Variants in PIK3C2G observed in about 807,000 individuals in gnomAD.
The protein encoded by PIK3C2G is phosphatidylinositol 3-kinase C2 domain-containing subunit gamma.
A neutral mutation model predicts 181.1 loss-of-function variants in PIK3C2G; 168 were observed. That is an observed-to-expected ratio of 0.93 (90% CI 0.82 to 1.05). The LOEUF (loss-of-function observed/expected upper bound fraction) is 1.05, where lower values mean the gene tolerates loss of function less well. Ranked by LOEUF, PIK3C2G falls within the 50% of genes least tolerant of loss-of-function variation. PIK3C2G has a pLI of 0.00. For missense variants in PIK3C2G, 1,869 were observed against 1,732.8 expected, an observed-to-expected ratio of 1.08 and a Z score of -1.40; for synonymous variants, 573 against 592.2, an observed-to-expected ratio of 0.97 and a Z score of 0.47.
At chr12:18,681,198 GATAGTACA>G in the PIK3C2G span, among the ~76,000 whole-genome samples, 1,610 of 152,138 alleles carry the variant, frequency 0.011, 25 homozygotes, top group African/African-American at 0.037. Context: ...AAGTCTGGCT[GATAGTACA>G]AAGTTGGTTC....
intron 18 of PIK3C2G, among the ~76,000 whole-genome samples, chr12:18,465,425 G>C (rs548926297): frequency 1.3e-5 from 2 of 151,738 alleles, no homozygotes; most frequent in South Asian, 4.1e-4. Context: ...ATTTCTTCTT[G>C]CATTTTAGTC....
chr12:18,534,280 T>G (rs936260628), intron 24 of PIK3C2G, among the ~76,000 whole-genome samples: 2 of 152,074 alleles, frequency 1.3e-5, no homozygotes, highest in Non-Finnish European at 2.9e-5. Flanking sequence ...AGTGAATTTA[T>G]TTGTCTGCTT....
intron 18 of PIK3C2G, among the ~76,000 whole-genome samples, chr12:18,451,762 G>C (rs775878360): frequency 5.3e-5 from 8 of 152,168 alleles, no homozygotes; most frequent in Non-Finnish European, 1.0e-4. Flanking sequence ...CTAGTTTATT[G>C]AGAGTTTTTA....
intron 14 of PIK3C2G, among the ~76,000 whole-genome samples, chr12:18,388,763 G>A (rs1194868046): frequency 1.3e-5 from 2 of 152,162 alleles, no homozygotes; most frequent in East Asian, 3.8e-4. Flanking sequence ...TAGAAATCAT[G>A]GTGGCCAACT....
intron 11 of PIK3C2G, among the ~76,000 whole-genome samples, chr12:18,350,711 T>C (rs1313916575): frequency 1.3e-5 from 2 of 152,160 alleles, no homozygotes; most frequent in Non-Finnish European, 2.9e-5. Context: ...CTGATGCATA[T>C]ACCAACCAAA....
chr12:18,536,775 G>T (rs906805272), intron 24 of PIK3C2G, among the ~76,000 whole-genome samples: 2 of 152,004 alleles, frequency 1.3e-5, no homozygotes, highest in Admixed American at 1.3e-4. Flanking sequence ...ATAATTCATA[G>T]AATATAGGTT....
chr12:18,434,768 G>T (rs1380381106), intron 18 of PIK3C2G, among the ~76,000 whole-genome samples: 1 of 152,184 alleles, frequency 6.6e-6, no homozygotes, highest in Non-Finnish European at 1.5e-5. Context: ...GGTAGAGGAA[G>T]AGGGCATGAA....
chr12:18,361,955 C>A (rs757509414), intron 11 of PIK3C2G, among the ~76,000 whole-genome samples: 34 of 151,944 alleles, frequency 2.2e-4, no homozygotes, highest in Non-Finnish European at 4.6e-4. Context: ...ACCTCTGGAA[C>A]AATAAGAAGC....
At chr12:18,630,202 C>T (rs963659611) in intron 31 of PIK3C2G, among the ~76,000 whole-genome samples, 67 of 152,146 alleles carry the variant, frequency 4.4e-4, no homozygotes, top group African/African-American at 1.6e-3. Context: ...ACCAGCCTGG[C>T]CAACATGGTG....
chr12:18,693,731 T>C, the PIK3C2G span: 1 of 1,542,174 alleles, frequency 6.5e-7, no homozygotes, highest in South Asian at 1.1e-5. Context: ...GTTGGATGGA[T>C]TTGATTCTAG....
At chr12:18,706,341 A>G in the PIK3C2G span, among the ~76,000 whole-genome samples, 5 of 152,218 alleles carry the variant, frequency 3.3e-5, no homozygotes, top group Non-Finnish European at 7.3e-5. Flanking sequence ...GTAGCATGCT[A>G]TATTTTTATT....
chr12:18,351,942 G>A (rs1348305975), intron 11 of PIK3C2G, among the ~76,000 whole-genome samples: 1 of 152,180 alleles, frequency 6.6e-6, no homozygotes, highest in East Asian at 1.9e-4. Flanking sequence ...TAGATGTGTA[G>A]TGGGCTTTGC....
rs530571780 is a variant in PIK3C2G at position 18,320,517 on chromosome 12, C to T, written c.1138-445C>T. Among the ~76,000 whole-genome samples, 30 of 152,312 alleles carry T rather than the reference C, an allele frequency of 2.0e-4. No individual in the cohort carries two copies. The South Asian group carries it at 3.1e-3, about 16-fold the overall frequency. ...AAACTCTCTTACACTGACATTTTGG[C>T]GGCAAGATGTGGTGAAGCTGAAAAA... On this transcript the variant is annotated intron_variant, in intron 6 of 32. Coordinates refer to ENST00000538779, the MANE Select transcript of PIK3C2G (RefSeq NM_001288772.2).
At chr12:18,509,212 AT>A (rs980036908) in intron 24 of PIK3C2G, among the ~76,000 whole-genome samples, 1 of 151,544 alleles carries the variant, frequency 6.6e-6, no homozygotes, top group African/African-American at 2.4e-5. Flanking sequence ...CGCCTGGCTA[AT>A]TTTTTTTGTA....
intron 1 of PIK3C2G, among the ~76,000 whole-genome samples, chr12:18,265,737 G>C (rs1489850668): frequency 6.6e-6 from 1 of 151,872 alleles, no homozygotes; most frequent in African/African-American, 2.4e-5. Context: ...CAATAGGCTG[G>C]GCGTGGTGGC....
At chr12:18,362,655 C>T in intron 11 of PIK3C2G, 109 bp from the exon 12 acceptor site, 2 of 725,774 alleles carry the variant, frequency 2.8e-6, no homozygotes, top group Non-Finnish European at 4.2e-6. Context: ...TTTATGCAAG[C>T]AGTCATCACT....
intron 16 of PIK3C2G, among the ~76,000 whole-genome samples, chr12:18,417,268 T>G (rs948126799): frequency 6.6e-6 from 1 of 152,144 alleles, no homozygotes; most frequent in Non-Finnish European, 1.5e-5. Context: ...TTTCTTGAGA[T>G]AGAATTTACT....
chr12:18,650,547 A>G, downstream of PIK3C2G, among the ~76,000 whole-genome samples: 1 of 150,148 alleles, frequency 6.7e-6, no homozygotes, highest in South Asian at 2.1e-4. Flanking sequence ...ATTACCATAT[A>G]AACACATGAA....
chr12:18,664,759 A>G, the PIK3C2G span, among the ~76,000 whole-genome samples: 11 of 151,800 alleles, frequency 7.2e-5, no homozygotes, highest in African/African-American at 2.7e-4. Context: ...AACCAATCCA[A>G]ATGTCCAACA....
Sources: allele counts gnomAD v4.1 joint callset (sites outside exome capture counted in the v4.1 genomes callset), GRCh38; gene constraint gnomAD v4.1.1; transcripts MANE v1.5; gene names NCBI Gene and HGNC (gene_info 2026-07-23, HGNC 2026-07-21).